Variants in APBB1IP observed in about 807,000 individuals in gnomAD.
APBB1IP encodes the protein amyloid beta A4 precursor protein-binding family B member 1-interacting protein.
In APBB1IP, 27 loss-of-function variants were observed where a neutral mutation model predicts 64.9. The ratio of observed to expected loss-of-function variants is 0.42; its 90% confidence interval spans 0.31 to 0.57. The LOEUF (loss-of-function observed/expected upper bound fraction) is 0.57, where lower values mean the gene tolerates loss of function less well. Ranked by LOEUF, APBB1IP falls within the 20% of genes least tolerant of loss-of-function variation. The probability of loss-of-function intolerance (pLI) is 0.20; values close to 1 mark genes in which losing one functional copy is unlikely to be tolerated. For synonymous variants in APBB1IP, 392 were observed against 331.0 expected (o/e 1.18, Z -2.00); for missense variants, 812 against 845.5 (o/e 0.96, Z 0.49).
rs60855722 is a variant in APBB1IP at position 26,506,250 on chromosome 10, TGGG to T, written c.531+2986_531+2988del. Among the ~76,000 whole-genome samples, 122 of 62,436 alleles carry T rather than the reference TGGG, an allele frequency of 2.0e-3. 2 individuals carry two copies. Among genetic ancestry groups the T allele is most frequent in the African/African-American group, 7.4e-3 (107 of 14,532 alleles). 41.0% of individuals were successfully genotyped at this position (62,436 alleles called of 152,430 possible). The stretch of plus-strand genomic sequence containing the variant: ...AGTGCTTAACACTACCGTGTGTGTG[TGGG>T]GGGGGGGGGTGGGGGGCAAGGTCTT... On this transcript the variant is annotated intron_variant, in intron 6 of 14. Transcript: ENST00000376236.
At chr10:26,519,111 C>T (rs943173281) in intron 8 of APBB1IP, among the ~76,000 whole-genome samples, 1 of 106,076 alleles carries the variant, frequency 9.4e-6, no homozygotes, top group Non-Finnish European at 1.8e-5. Context: ...CCTGTCTCTA[C>T]TAAAAATACA....
rs750465809 is a variant in APBB1IP at position 26,527,202 on chromosome 10, C to T, written c.814-6237C>T. On this transcript the variant is annotated intron_variant, in intron 8 of 14. Transcript: ENST00000376236. ...CCATGACTTCGGTGCCCTGGATCCT[C>T]TCACCAGCCAGTGTGGGCGTGTGTG... Among the ~76,000 whole-genome samples the T allele has an allele frequency of 7.2e-5, 11 of 152,160 alleles. 1 individual carries two copies. The highest frequency in any genetic ancestry group is 1.5e-4 in the Non-Finnish European group (10 of 68,042).
intron 2 of APBB1IP, among the ~76,000 whole-genome samples, chr10:26,472,127 TC>T (rs1276221890): frequency 1.3e-5 from 2 of 152,134 alleles, no homozygotes; most frequent in Non-Finnish European, 2.9e-5. Flanking sequence ...AGAAAATCCC[TC>T]ACCCCACAGA....
At chr10:26,557,631 A>G (rs565733677) in intron 11 of APBB1IP, among the ~76,000 whole-genome samples, 23 of 152,344 alleles carry the variant, frequency 1.5e-4, no homozygotes, top group Non-Finnish European at 2.9e-4. Context: ...GTGGGGTCAC[A>G]GGGAGGAATA....
chr10:26,517,867 G>T (rs1220646929), intron 8 of APBB1IP, among the ~76,000 whole-genome samples: 2 of 152,228 alleles, frequency 1.3e-5, no homozygotes, highest in African/African-American at 4.8e-5. Context: ...CATGTCTTTT[G>T]TTGGACATGT....
chr10:26,513,059 G>T (rs1836280499), intron 7 of APBB1IP, among the ~76,000 whole-genome samples: 1 of 152,150 alleles, frequency 6.6e-6, no homozygotes, highest in Non-Finnish European at 1.5e-5. Flanking sequence ...TTGACTGATT[G>T]TCCACCTCAC....
intron 2 of APBB1IP, among the ~76,000 whole-genome samples, chr10:26,443,420 A>G (rs1835357736): frequency 6.7e-6 from 1 of 149,592 alleles, no homozygotes; most frequent in Non-Finnish European, 1.5e-5. Flanking sequence ...TCTCAAAAAA[A>G]AAAGTTTCAA....
At chr10:26,479,355 C>A (rs786718) in intron 2 of APBB1IP, among the ~76,000 whole-genome samples, 1 of 151,604 alleles carries the variant, frequency 6.6e-6, no homozygotes, top group African/African-American at 2.4e-5. Flanking sequence ...TACATGTACC[C>A]CTGAACCTAA....
intron 8 of APBB1IP, among the ~76,000 whole-genome samples, chr10:26,520,893 A>G (rs1836393662): frequency 1.3e-5 from 2 of 152,360 alleles, no homozygotes; most frequent in Non-Finnish European, 2.9e-5. Flanking sequence ...AAATTCAGCA[A>G]TCATCTACAG....
chr10:26,461,980 T>C (rs980200167), intron 2 of APBB1IP, among the ~76,000 whole-genome samples: 7 of 152,236 alleles, frequency 4.6e-5, no homozygotes, highest in African/African-American at 1.7e-4. Flanking sequence ...ATTGTTTATG[T>C]AGACAATTGT....
intron 2 of APBB1IP, among the ~76,000 whole-genome samples, chr10:26,463,449 T>TA (rs71521682): frequency 6.6e-6 from 1 of 151,328 alleles, no homozygotes; most frequent in African/African-American, 2.4e-5. Flanking sequence ...CTAAAATTTT[T>TA]AAAAAAATGT....
chr10:26,503,178 A>G lies in APBB1IP; in HGVS notation c.454-19A>G, dbSNP rs1836128000. 2 of 1,613,400 alleles carry G rather than the reference A, an allele frequency of 1.2e-6. No individual in the cohort carries two copies. Among genetic ancestry groups the G allele is most frequent in the African/African-American group, 2.7e-5 (2 of 74,904 alleles). On this transcript the variant is annotated intron_variant, in intron 5 of 14. Coordinates refer to ENST00000376236, the MANE Select transcript of APBB1IP (RefSeq NM_019043.4). ...ATTACTTAATGGACTGTATTGAAGAATATCTTGCCCTTTTCCAGGAAGAGG... is the reference window on the plus strand; with the variant it reads ...ATTACTTAATGGACTGTATTGAAGAGTATCTTGCCCTTTTCCAGGAAGAGG...
chr10:26,527,549 A>G (rs574133692), intron 8 of APBB1IP, among the ~76,000 whole-genome samples: 65 of 151,048 alleles, frequency 4.3e-4, no homozygotes, highest in African/African-American at 1.5e-3. Flanking sequence ...TCTCAAAAAA[A>G]AAAAAAAAAG....
chr10:26,497,915 C>T (rs148738879), intron 4 of APBB1IP, among the ~76,000 whole-genome samples: 46 of 151,772 alleles, frequency 3.0e-4, no homozygotes, highest in African/African-American at 9.9e-4. Context: ...TTAGTAGAGA[C>T]GGGGTTTTGC....
chr10:26,509,319 C>T (rs1363640268), intron 6 of APBB1IP, among the ~76,000 whole-genome samples: 1 of 152,118 alleles, frequency 6.6e-6, no homozygotes, highest in African/African-American at 2.4e-5. Context: ...CTTTAGGAAA[C>T]CCTGGGATAA....
rs1280068484 is a variant in APBB1IP, at chr10:26,536,228, A to G, written c.1044+11A>G. The G allele has an allele frequency of 6.4e-7, 1 of 1,563,784 alleles. No individual in the cohort carries two copies. The highest frequency in any genetic ancestry group is 1.4e-5 in the African/African-American group (1 of 72,032). On this transcript the variant is annotated intron_variant, in intron 10 of 14. Coordinates refer to ENST00000376236, the MANE Select transcript of APBB1IP (RefSeq NM_019043.4). ...AAAGGAAAGACTAAGGTCAGAAAAA[A>G]AAAAAAAAAAGCACTTAGCAATAAA...
intron 14 of APBB1IP, among the ~76,000 whole-genome samples, chr10:26,563,648 A>G (rs1035234931): frequency 2.0e-5 from 3 of 152,196 alleles, no homozygotes; most frequent in African/African-American, 7.2e-5. Flanking sequence ...GTGATTCAAA[A>G]CAACCTTAAA....
intron 2 of APBB1IP, among the ~76,000 whole-genome samples, chr10:26,453,567 G>C (rs895186095): frequency 1.3e-5 from 2 of 152,024 alleles, no homozygotes; most frequent in South Asian, 2.1e-4. Context: ...TGCCAGATTT[G>C]GTGTTTGTCC....
chr10:26,458,926 A>C (rs528495893), intron 2 of APBB1IP, among the ~76,000 whole-genome samples: 11 of 151,482 alleles, frequency 7.3e-5, no homozygotes, highest in East Asian at 3.9e-4. Context: ...TACTGTGGTT[A>C]TTTTCTTTTC....
Sources: allele counts gnomAD v4.1 joint callset (sites outside exome capture counted in the v4.1 genomes callset), GRCh38; gene constraint gnomAD v4.1.1; transcripts MANE v1.5; gene names NCBI Gene and HGNC (gene_info 2026-07-23, HGNC 2026-07-21).